CTDSP2: variants seen among roughly 807,000 people sequenced by gnomAD.
CTDSP2 encodes carboxy-terminal domain RNA polymerase II polypeptide A small phosphatase 2.
CTDSP2 carries 9 observed loss-of-function variants against 31.6 expected under a neutral mutation model. That is an observed-to-expected ratio of 0.28 (90% CI 0.17 to 0.50). CTDSP2 has a LOEUF of 0.50. Ranked by LOEUF, CTDSP2 falls within the 20% of genes least tolerant of loss-of-function variation. The pLI is 0.98. For synonymous variants in CTDSP2, 134 were observed against 134.5 expected (o/e 1.00, Z 0.03); for missense variants, 267 against 348.5 (o/e 0.77, Z 1.86).
chr12:57,846,540 C>T lies in CTDSP2; in HGVS notation c.-105G>A, dbSNP rs112264559. On this transcript the variant is annotated 5_prime_UTR_variant, in exon 1 of 8. Transcript: ENST00000398073. ...CGGGGGCCCGCTCCGGCTCCCGAGA[C>T]TCCGACTTCCACAGCTGTTCACATC... 1.1e-6 allele frequency: 1 copy of T among 887,848 alleles called. No homozygotes were observed. Among genetic ancestry groups the T allele is most frequent in the Admixed American group, 4.0e-5 (1 of 25,270 alleles). The allele number at this position is 887,848 out of a possible 1,614,324, so 55.0% of individuals were successfully genotyped here.
rs1956151564 is a variant in CTDSP2 at position 57,822,299 on chromosome 12, C to CA, written c.*1302_*1303insT. ...ATTTTAAAGCATTCACTATTAAGAA[C>CA]CTTTGAAAGCAGGAGACACCCAGAG... is the stretch of plus-strand genomic sequence containing the variant. On this transcript the variant is annotated 3_prime_UTR_variant, in exon 8 of 8. Transcript: ENST00000398073. 6.6e-6 allele frequency: 1 copy of CA among 152,206 alleles called. No homozygotes were observed. The highest frequency in any genetic ancestry group is 2.4e-5 in the African/African-American group (1 of 41,418). The allele number at this position is 152,206 out of a possible 1,614,324, so 9.4% of individuals were successfully genotyped here.
At chr12:57,846,060 G>A (rs1264967189) in intron 1 of CTDSP2, among the ~76,000 whole-genome samples, 1 of 152,206 alleles carries the variant, frequency 6.6e-6, no homozygotes, top group Non-Finnish European at 1.5e-5. Context: ...AACTCCGGAG[G>A]CGGTGGACGC....
At chr12:57,832,770 C>A (rs1413322132) in intron 1 of CTDSP2, among the ~76,000 whole-genome samples, 1 of 107,128 alleles carries the variant, frequency 9.3e-6, no homozygotes, top group Non-Finnish European at 1.7e-5. Flanking sequence ...CTAGCCTGGG[C>A]AACAGAGCGA....
chr12:57,827,675 G>A (rs1956191605), intron 2 of CTDSP2, 85 bp from the exon 3 acceptor site: 2 of 1,402,938 alleles, frequency 1.4e-6, no homozygotes, highest in Non-Finnish European at 2.0e-6. Flanking sequence ...TAAGCCTGGA[G>A]GGCAACTTTC....
intron 5 of CTDSP2, chr12:57,824,601 G>A (rs771692224): frequency 1.8e-5 from 11 of 616,296 alleles, no homozygotes; most frequent in South Asian, 1.4e-4. Context: ...TTCCGGCGGC[G>A]GACCATCAGC....
chr12:57,826,472 G>T lies in CTDSP2; in HGVS notation c.355-70C>A. On this transcript the variant is annotated intron_variant, in intron 4 of 7. Coordinates refer to ENST00000398073, the MANE Select transcript of CTDSP2 (RefSeq NM_005730.4). ...ACATGAGGCCCCCACCATACCCCTA[G>T]GTGGGTGGGGAGAAACAGGTCTTAA... 2 of 1,483,808 alleles carry T rather than the reference G, an allele frequency of 1.3e-6. 1 individual carries two copies. Among genetic ancestry groups the T allele is most frequent in the South Asian group, 2.3e-5 (2 of 87,690 alleles). 91.9% of individuals were successfully genotyped at this position (1,483,808 alleles called of 1,614,324 possible). A position where few individuals can be genotyped will look rare whatever the true frequency, so the allele number is the denominator to read the frequency against.
At position 57,821,728 on chromosome 12, in the gene CTDSP2, C is replaced by T. The variant is rs986718251; in HGVS notation, c.*1874G>A. 2.0e-5 allele frequency: 3 copies of T among 152,224 alleles called. No individual in the cohort carries two copies. The highest frequency in any genetic ancestry group is 6.5e-5 in the Admixed American group (1 of 15,286). The allele number at this position is 152,224 out of a possible 1,614,324, so 9.4% of individuals were successfully genotyped here. On this transcript the variant is annotated 3_prime_UTR_variant, in exon 8 of 8. Transcript: ENST00000398073. ...CATGGGGTCCTTCTCCCTTTAGGTA[C>T]ACCGGGACCCCATAGGCACCGGGGA...
At chr12:57,834,880 T>C (rs1204867862) in intron 1 of CTDSP2, among the ~76,000 whole-genome samples, 1 of 152,114 alleles carries the variant, frequency 6.6e-6, no homozygotes, top group African/African-American at 2.4e-5. Context: ...CCCAGCACTT[T>C]GGGAGGCCGA....
Position 57,821,833 on chromosome 12 carries a change from A to G in CTDSP2, c.*1769T>C, listed in dbSNP as rs1956147241. The G allele has an allele frequency of 6.6e-6, 1 of 152,248 alleles. No homozygotes were observed. The highest frequency in any genetic ancestry group is 2.1e-4 in the South Asian group (1 of 4,834). 9.4% of individuals were successfully genotyped at this position (152,248 alleles called of 1,614,324 possible). On this transcript the variant is annotated 3_prime_UTR_variant, in exon 8 of 8. Coordinates refer to ENST00000398073, the MANE Select transcript of CTDSP2 (RefSeq NM_005730.4). Reference sequence around the variant, plus strand: ...ATTCCAAAGAGAAAGACAAGGCCTTATAACCTTGGGACAAGAAGGGAAGGT... The same window carrying G: ...ATTCCAAAGAGAAAGACAAGGCCTTGTAACCTTGGGACAAGAAGGGAAGGT...
At position 57,839,455 on chromosome 12, in the gene CTDSP2, A is replaced by G. The variant is rs35420955; in HGVS notation, c.64+6917T>C. 5.9e-3 allele frequency among the ~76,000 whole-genome samples: 895 copies of G among 152,344 alleles called. 7 individuals carry two copies. Among genetic ancestry groups the G allele is most frequent in the Non-Finnish European group, 8.3e-3 (563 of 68,020 alleles). ...AATGTTAGGCCGGGCACGGTGGCTC[A>G]AGCCTGTAATCCCAGCACTTTGGGA... On this transcript the variant is annotated intron_variant, in intron 1 of 7. Transcript: ENST00000398073.
Position 57,830,421 on chromosome 12 carries a change from C to CCAA in CTDSP2, c.65-828_65-826dup, listed in dbSNP as rs376992203. ...AACAAAAACAAACAAACAAACAAAACCAACAACAACAACAACAACAACAAA... is the reference window on the plus strand; with the variant it reads ...AACAAAAACAAACAAACAAACAAAACCAACAACAACAACAACAACAACAACAAA... On this transcript the variant is annotated intron_variant, in intron 1 of 7. Transcript: ENST00000398073. Among the ~76,000 whole-genome samples the CCAA allele has an allele frequency of 2.1e-3, 319 of 151,750 alleles. 1 individual carries two copies. Among genetic ancestry groups the CCAA allele is most frequent in the Admixed American group, 3.7e-3 (56 of 15,216 alleles).
chr12:57,843,842 T>C (rs1243733604), intron 1 of CTDSP2, among the ~76,000 whole-genome samples: 4 of 152,240 alleles, frequency 2.6e-5, no homozygotes, highest in African/African-American at 7.2e-5. Context: ...GTTGGTTTAG[T>C]GGTTGCTGGG....
chr12:57,841,035 G>A (rs527521123), intron 1 of CTDSP2, among the ~76,000 whole-genome samples: 5 of 152,292 alleles, frequency 3.3e-5, no homozygotes, highest in African/African-American at 4.8e-5. Context: ...GTTTTAAGTC[G>A]TCAACTTATC....
chr12:57,840,484 C>T (rs1433781754), intron 1 of CTDSP2, among the ~76,000 whole-genome samples: 1 of 152,182 alleles, frequency 6.6e-6, no homozygotes, highest in Non-Finnish European at 1.5e-5. Flanking sequence ...GGTCTGCTGT[C>T]TCTACCTGCA....
At chr12:57,829,834 C>CA (rs1956204449) in intron 1 of CTDSP2, among the ~76,000 whole-genome samples, 1 of 152,178 alleles carries the variant, frequency 6.6e-6, no homozygotes, top group African/African-American at 2.4e-5. Flanking sequence ...AGCCACAGAG[C>CA]ATTTGTTTTT....
intron 1 of CTDSP2, among the ~76,000 whole-genome samples, chr12:57,836,164 C>G (rs1028176831): frequency 6.6e-6 from 1 of 152,162 alleles, no homozygotes; most frequent in African/African-American, 2.4e-5. Flanking sequence ...TGATCATGAG[C>G]AGGTTTCAGA....
In CTDSP2 at chr12:57,820,059, G is replaced by T. The variant is rs1252500635; in HGVS notation, c.*3543C>A. The T allele has an allele frequency of 1.3e-5, 2 of 152,630 alleles. No individual in the cohort carries two copies. The highest frequency in any genetic ancestry group is 2.9e-5 in the Non-Finnish European group (2 of 68,040). 9.5% of individuals were successfully genotyped at this position (152,630 alleles called of 1,614,324 possible). On this transcript the variant is annotated 3_prime_UTR_variant, in exon 8 of 8. Transcript: ENST00000398073. ...GAATACAACAAATTTATCAAACCATGAATCTGTAAGCAAGGTAGTCAGAAT... is the reference window on the plus strand; with the variant it reads ...GAATACAACAAATTTATCAAACCATTAATCTGTAAGCAAGGTAGTCAGAAT...
At position 57,820,465 on chromosome 12, in the gene CTDSP2, T is replaced by G. The variant is rs1217543607; in HGVS notation, c.*3137A>C. On this transcript the variant is annotated 3_prime_UTR_variant, in exon 8 of 8. Coordinates refer to ENST00000398073, the MANE Select transcript of CTDSP2 (RefSeq NM_005730.4). The stretch of plus-strand genomic sequence containing the variant: ...GGACACTGGGTGCCAGACAGCCTTC[T>G]GAGGGGATTTTCTTTCTAAATGAGG... The G allele has an allele frequency of 6.6e-6, 1 of 152,264 alleles. No individual in the cohort carries two copies. The highest frequency in any genetic ancestry group is 2.4e-5 in the African/African-American group (1 of 41,458). The allele number at this position is 152,264 out of a possible 1,614,324, so 9.4% of individuals were successfully genotyped here.
chr12:57,831,998 T>C (rs771264306), intron 1 of CTDSP2, among the ~76,000 whole-genome samples: 2 of 152,020 alleles, frequency 1.3e-5, no homozygotes, highest in African/African-American at 2.4e-5. Context: ...GGTGAGAAAA[T>C]GGCCTTTACA....
Sources: gnomAD v4.1 joint callset for allele counts (sites outside exome capture counted in the v4.1 genomes callset) on GRCh38, gnomAD v4.1.1 for gene constraint, MANE v1.5 for transcripts, NCBI Gene and HGNC (gene_info 2026-07-23, HGNC 2026-07-21) for gene names.